ARHGAP26: variants seen among roughly 807,000 people sequenced by gnomAD.
The protein encoded by ARHGAP26 is rho GTPase-activating protein 26.
In ARHGAP26, 38 loss-of-function variants were observed where a neutral mutation model predicts 104.8. That is an observed-to-expected ratio of 0.36 (90% CI 0.28 to 0.48). The LOEUF (loss-of-function observed/expected upper bound fraction) is 0.48, where lower values mean the gene tolerates loss of function less well. ARHGAP26 is among the 20% of genes least tolerant of loss of function. The probability of loss-of-function intolerance (pLI) is 0.99; values close to 1 mark genes in which losing one functional copy is unlikely to be tolerated. For missense variants in ARHGAP26, 704 were observed against 947.9 expected, an observed-to-expected ratio of 0.74 and a Z score of 3.38; for synonymous variants, 341 against 340.0, an observed-to-expected ratio of 1.00 and a Z score of -0.03.
chr5:143,008,788 C>T (rs1007265559), intron 11 of ARHGAP26, among the ~76,000 whole-genome samples: 1 of 152,166 alleles, frequency 6.6e-6, no homozygotes, highest in Non-Finnish European at 1.5e-5. Context: ...AAACAAGCCT[C>T]TCTGTTTTCT....
At chr5:142,947,657 A>C (rs933178867) in intron 11 of ARHGAP26, among the ~76,000 whole-genome samples, 1 of 152,160 alleles carries the variant, frequency 6.6e-6, no homozygotes, top group African/African-American at 2.4e-5. Context: ...GGAGGCAATA[A>C]ATTGAGTGGT....
intron 5 of ARHGAP26, among the ~76,000 whole-genome samples, chr5:142,891,795 A>G (rs1318829450): frequency 1.3e-5 from 2 of 151,946 alleles, no homozygotes; most frequent in Non-Finnish European, 2.9e-5. Context: ...GTTTCTTACT[A>G]GCAGGATATT....
At chr5:142,954,703 C>G (rs1168911380) in intron 11 of ARHGAP26, among the ~76,000 whole-genome samples, 1 of 152,220 alleles carries the variant, frequency 6.6e-6, no homozygotes, top group African/African-American at 2.4e-5. Context: ...TGAAACTTGA[C>G]TAGTGTCCAG....
intron 1 of ARHGAP26, among the ~76,000 whole-genome samples, chr5:142,799,053 T>C (rs1276464740): frequency 6.6e-6 from 1 of 152,192 alleles, no homozygotes; most frequent in Non-Finnish European, 1.5e-5. Context: ...GAAGAGATAA[T>C]GTGTTCCACA....
At chr5:143,054,283 G>A (rs1785468521) in intron 14 of ARHGAP26, among the ~76,000 whole-genome samples, 156 bp from the exon 15 acceptor site, 1 of 152,170 alleles carries the variant, frequency 6.6e-6, no homozygotes, top group Admixed American at 6.5e-5. Flanking sequence ...GGAATTTTTA[G>A]ACATTTTCCT....
At chr5:142,804,169 C>G (rs1224741333) in intron 1 of ARHGAP26, among the ~76,000 whole-genome samples, 1 of 152,174 alleles carries the variant, frequency 6.6e-6, no homozygotes, top group Non-Finnish European at 1.5e-5. Flanking sequence ...TATGAAATTG[C>G]CAGTATGTAA....
At chr5:142,982,169 C>T (rs552025717) in intron 11 of ARHGAP26, among the ~76,000 whole-genome samples, 52 of 152,324 alleles carry the variant, frequency 3.4e-4, no homozygotes, top group Admixed American at 7.8e-4. Flanking sequence ...GCCTTACACA[C>T]ACCTCCCCAT....
chr5:142,914,002 A>G (rs1033315174), intron 10 of ARHGAP26, among the ~76,000 whole-genome samples: 38 of 152,336 alleles, frequency 2.5e-4, no homozygotes, highest in African/African-American at 8.4e-4. Flanking sequence ...CTGCCTGTTC[A>G]AGATCAGGAA....
intron 2 of ARHGAP26, among the ~76,000 whole-genome samples, chr5:142,873,752 C>T (rs999072167): frequency 1.3e-5 from 2 of 152,074 alleles, no homozygotes; most frequent in Non-Finnish European, 2.9e-5. Flanking sequence ...TCCTTTCCAC[C>T]TCCCTTTAGT....
At chr5:142,949,204 AGAGAGAGAGAGAGAGAGGAGAGAGAGAG>A (rs1767809385) in intron 11 of ARHGAP26, among the ~76,000 whole-genome samples, 5 of 40,590 alleles carry the variant, frequency 1.2e-4, no homozygotes, top group African/African-American at 8.9e-4. Flanking sequence ...AGAGAGAGAG[AGAGAGAGAGAGAGAGAGGAGAGAGAGAG>A]GAGAGAGAGA....
At chr5:142,940,631 T>C in intron 11 of ARHGAP26, among the ~76,000 whole-genome samples, 1 of 152,214 alleles carries the variant, frequency 6.6e-6, no homozygotes, top group East Asian at 1.9e-4. Flanking sequence ...GGCATGATCT[T>C]ATTCTTTTTT....
In ARHGAP26 at chr5:142,937,865, C is replaced by T. The variant is rs538125384; in HGVS notation, c.1107+5740C>T. 2.0e-5 allele frequency among the ~76,000 whole-genome samples: 3 copies of T among 152,040 alleles called. No homozygotes were observed. The South Asian group carries it at 6.2e-4, about 32-fold the overall frequency. ...AAATGGAGAATGGAATAGTGATATCCAGGGTATACGGACATTGGAAGTAGG... is the reference window on the plus strand; with the variant it reads ...AAATGGAGAATGGAATAGTGATATCTAGGGTATACGGACATTGGAAGTAGG... On this transcript the variant is annotated intron_variant, in intron 11 of 22. Transcript: ENST00000645722.
At chr5:142,921,532 G>A (rs1763192510) in intron 10 of ARHGAP26, 1 of 167,058 alleles carries the variant, frequency 6.0e-6, no homozygotes, top group Non-Finnish European at 1.5e-5. Context: ...TACTGTTAGG[G>A]AAGAGACCCA....
chr5:142,918,561 C>A lies in ARHGAP26; in HGVS notation c.1028+5268C>A, dbSNP rs145389853. Among the ~76,000 whole-genome samples the A allele has an allele frequency of 3.0e-4, 45 of 152,282 alleles. 1 individual carries two copies. In the East Asian group the frequency reaches 4.8e-3, roughly 16 times the overall value. Reference sequence around the variant, plus strand: ...TAGACCTATACTCTCATCTCTGTGTCCACACCCTTTTGTATTGGCTTCTAC... The same window carrying A: ...TAGACCTATACTCTCATCTCTGTGTACACACCCTTTTGTATTGGCTTCTAC... On this transcript the variant is annotated intron_variant, in intron 10 of 22. Coordinates refer to ENST00000645722, the MANE Select transcript of ARHGAP26 (RefSeq NM_001135608.3).
intron 18 of ARHGAP26, among the ~76,000 whole-genome samples, chr5:143,126,190 A>G (rs1318683671): frequency 3.3e-5 from 5 of 152,222 alleles, no homozygotes; most frequent in African/African-American, 4.8e-5. Context: ...TGACAGATCA[A>G]TGGAAGTTTT....
chr5:143,147,558 A>G lies in ARHGAP26; in HGVS notation c.1988+177A>G, dbSNP rs1313003200. On this transcript the variant is annotated intron_variant, in intron 20 of 22. Coordinates refer to ENST00000645722, the MANE Select transcript of ARHGAP26 (RefSeq NM_001135608.3). Reference sequence around the variant, plus strand: ...TGGGTTTTTAAAGCATCATCATCTCAGAGGGAGTCGTTATTCTTAACATAC... The same window carrying G: ...TGGGTTTTTAAAGCATCATCATCTCGGAGGGAGTCGTTATTCTTAACATAC... The G allele has an allele frequency of 1.2e-5, 8 of 650,816 alleles. No homozygotes were observed. In the East Asian group the frequency reaches 2.3e-4, roughly 18 times the overall value. The allele number at this position is 650,816 out of a possible 1,614,324, so 40.3% of individuals were successfully genotyped here. A position where few individuals can be genotyped will look rare whatever the true frequency, so the allele number is the denominator to read the frequency against.
At position 142,860,803 on chromosome 5, in the gene ARHGAP26, TGGAGCTCCAC is replaced by T. The variant is rs1333880641; in HGVS notation, c.155-12596_155-12587del. ...GATTTAGAAGATCCGGCTTGCTCTG[TGGAGCTCCAC>T]CTTTGTCATCTGGAGGGGTTCCATT... On this transcript the variant is annotated intron_variant, in intron 1 of 22. Coordinates refer to ENST00000645722, the MANE Select transcript of ARHGAP26 (RefSeq NM_001135608.3). Among the ~76,000 whole-genome samples the T allele has an allele frequency of 3.3e-5, 5 of 152,236 alleles. No individual in the cohort carries two copies. In the East Asian group the frequency reaches 9.6e-4, roughly 29 times the overall value.
chr5:142,944,852 G>A (rs1368612437), intron 11 of ARHGAP26, among the ~76,000 whole-genome samples: 5 of 152,048 alleles, frequency 3.3e-5, no homozygotes, highest in East Asian at 1.9e-4. Context: ...CCTAAGTTTC[G>A]CTTGTGTTCT....
rs1260964134 is a variant in ARHGAP26 at position 143,203,630 on chromosome 5, T to A, written c.1989-3568T>A. On this transcript the variant is annotated intron_variant, in intron 20 of 22. Coordinates refer to ENST00000645722, the MANE Select transcript of ARHGAP26 (RefSeq NM_001135608.3). ...ATAAAGACACATGCACACGTATGTT[T>A]ATTGCAGCACTGTTCACAATAGCAA... The A allele has an allele frequency of 2.6e-5, 4 of 152,236 alleles. No individual in the cohort carries two copies. The East Asian group carries it at 7.7e-4, about 29-fold the overall frequency. The allele number at this position is 152,236 out of a possible 1,614,324, so 9.4% of individuals were successfully genotyped here.
Sources: gnomAD v4.1 joint callset for allele counts (sites outside exome capture counted in the v4.1 genomes callset) on GRCh38, gnomAD v4.1.1 for gene constraint, MANE v1.5 for transcripts, NCBI Gene and HGNC (gene_info 2026-07-23, HGNC 2026-07-21) for gene names.